Variants in LPGAT1 observed in about 807,000 individuals in gnomAD.
LPGAT1 encodes acyl-CoA:lysophosphatidylglycerol acyltransferase 1.
A neutral mutation model predicts 47.5 loss-of-function variants in LPGAT1; 11 were observed. The ratio of observed to expected loss-of-function variants is 0.23; its 90% CI spans 0.15 to 0.38. The LOEUF (loss-of-function observed/expected upper bound fraction) is 0.38, where lower values mean the gene tolerates loss of function less well. Ranked by LOEUF, LPGAT1 falls within the 10% of genes least tolerant of loss-of-function variation. The probability of loss-of-function intolerance (pLI) is 1.00; values close to 1 mark genes in which losing one functional copy is unlikely to be tolerated. For synonymous variants in LPGAT1, 138 were observed against 144.2 expected (o/e 0.96, Z 0.31); for missense variants, 293 against 439.0 (o/e 0.67, Z 2.97).
At chr1:211,762,920 A>G (rs974068380) in intron 6 of LPGAT1, among the ~76,000 whole-genome samples, 3 of 152,226 alleles carry the variant, frequency 2.0e-5, no homozygotes, top group African/African-American at 4.8e-5. Context: ...AATTATGTCA[A>G]GATTGTGTAA....
chr1:211,790,091 G>A (rs994974977), intron 3 of LPGAT1, among the ~76,000 whole-genome samples: 4 of 151,880 alleles, frequency 2.6e-5, no homozygotes, highest in Admixed American at 6.6e-5. Flanking sequence ...TCAAAACATC[G>A]TCTAGAGACT....
At chr1:211,828,703 G>A (rs1255886763) in intron 2 of LPGAT1, among the ~76,000 whole-genome samples, 2 of 152,052 alleles carry the variant, frequency 1.3e-5, no homozygotes, top group Non-Finnish European at 2.9e-5. Flanking sequence ...CAATGTTTAT[G>A]GGCATCTTCC....
intron 1 of LPGAT1, chr1:211,829,607 CGCACCGT>C: frequency 8.4e-7 from 1 of 1,193,426 alleles, no homozygotes; most frequent in African/African-American, 1.5e-5. Flanking sequence ...TGGCCGTCCC[CGCACCGT>C]GTCTCACTGC....
At chr1:211,772,290 G>C (rs1282192546) in intron 6 of LPGAT1, among the ~76,000 whole-genome samples, 2 of 152,136 alleles carry the variant, frequency 1.3e-5, no homozygotes. Context: ...CATTGATGTG[G>C]ACTTCCTCCT....
At chr1:211,790,862 A>G (rs1659081567) in intron 3 of LPGAT1, among the ~76,000 whole-genome samples, 1 of 152,202 alleles carries the variant, frequency 6.6e-6, no homozygotes. Flanking sequence ...CATTTTAATC[A>G]CGAGTTTCAA....
chr1:211,813,366 T>C (rs543324131), intron 2 of LPGAT1, among the ~76,000 whole-genome samples: 1 of 152,316 alleles, frequency 6.6e-6, no homozygotes, highest in South Asian at 2.1e-4. Context: ...TGCTTATAAA[T>C]ACGTATGTTT....
intron 6 of LPGAT1, among the ~76,000 whole-genome samples, chr1:211,755,658 T>TA (rs1281098227): frequency 1.3e-5 from 2 of 149,078 alleles, no homozygotes; most frequent in African/African-American, 5.0e-5. Flanking sequence ...GTAATCCCAG[T>TA]ACTTTGGGAG....
intron 2 of LPGAT1, 69 bp from the exon 3 acceptor site, chr1:211,793,259 G>A: frequency 2.0e-6 from 2 of 976,432 alleles, no homozygotes; most frequent in African/African-American, 1.6e-5. Flanking sequence ...CCTTATATTA[G>A]AAAAAATGAT....
At chr1:211,764,589 A>G (rs1447987484) in intron 6 of LPGAT1, among the ~76,000 whole-genome samples, 1 of 152,220 alleles carries the variant, frequency 6.6e-6, no homozygotes, top group Non-Finnish European at 1.5e-5. Context: ...ACTTTAAGCC[A>G]TTATCCTGAG....
chr1:211,803,874 C>T (rs1033191773), intron 2 of LPGAT1, among the ~76,000 whole-genome samples: 2 of 151,448 alleles, frequency 1.3e-5, no homozygotes, highest in Non-Finnish European at 2.9e-5. Flanking sequence ...AATTCTCCTA[C>T]CACAGTCTCA....
In LPGAT1 at chr1:211,813,603, AT is replaced by A. The variant is rs561530399; in HGVS notation, c.238+15455del. 1.1e-4 allele frequency among the ~76,000 whole-genome samples: 17 copies of A among 152,378 alleles called. No homozygotes were observed. The South Asian group carries it at 2.7e-3, about 24-fold the overall frequency. ...TGACAAAATTCAAAATAAAAAATTA[AT>A]AATAATTGAATACAATTTATATAAT... On this transcript the variant is annotated intron_variant, in intron 2 of 7. Transcript: ENST00000366997.
chr1:211,772,205 C>G (rs972324877), intron 6 of LPGAT1, among the ~76,000 whole-genome samples: 3 of 152,206 alleles, frequency 2.0e-5, no homozygotes, highest in Non-Finnish European at 4.4e-5. Context: ...TGTCGTTTCT[C>G]CATTGATACG....
chr1:211,759,457 C>CA (rs922220441), intron 6 of LPGAT1, among the ~76,000 whole-genome samples: 12 of 152,270 alleles, frequency 7.9e-5, no homozygotes, highest in African/African-American at 2.9e-4. Flanking sequence ...ATGTAGTTAA[C>CA]AGTGTTTTCA....
chr1:211,753,881 C>G (rs1657318244), intron 6 of LPGAT1, among the ~76,000 whole-genome samples: 1 of 152,160 alleles, frequency 6.6e-6, no homozygotes, highest in African/African-American at 2.4e-5. Flanking sequence ...GAGTCTGTTG[C>G]CTGTTACCCT....
chr1:211,745,579 C>T lies in LPGAT1; in HGVS notation c.*4320G>A, dbSNP rs924582265. The T allele has an allele frequency of 1.1e-4, 17 of 152,366 alleles. No individual in the cohort carries two copies. Among genetic ancestry groups the T allele is most frequent in the African/African-American group, 4.1e-4 (17 of 41,508 alleles). 9.4% of individuals were successfully genotyped at this position (152,366 alleles called of 1,614,324 possible). A position where few individuals can be genotyped will look rare whatever the true frequency, so the allele number is the denominator to read the frequency against. On this transcript the variant is annotated 3_prime_UTR_variant, in exon 8 of 8. Transcript: ENST00000366997. Reference sequence around the variant, plus strand: ...TTAAAAAAATATTAAATGTAAAAACCCTCAGATGGAAATTTTGCAGAAAAA... The same window carrying T: ...TTAAAAAAATATTAAATGTAAAAACTCTCAGATGGAAATTTTGCAGAAAAA...
intron 2 of LPGAT1, among the ~76,000 whole-genome samples, chr1:211,813,918 C>G (rs536424466): frequency 6.6e-6 from 1 of 152,146 alleles, no homozygotes; most frequent in African/African-American, 2.4e-5. Context: ...AGGTAATAGT[C>G]AAGAACATGA....
At chr1:211,770,776 A>T (rs1349299609) in intron 6 of LPGAT1, among the ~76,000 whole-genome samples, 4 of 152,196 alleles carry the variant, frequency 2.6e-5, no homozygotes, top group African/African-American at 9.6e-5. Context: ...TACTAGCTCC[A>T]TATATAGTAG....
intron 6 of LPGAT1, among the ~76,000 whole-genome samples, chr1:211,760,599 T>C (rs1657656811): frequency 6.6e-6 from 1 of 152,252 alleles, no homozygotes; most frequent in African/African-American, 2.4e-5. Flanking sequence ...TTTATAATAA[T>C]TTTGGTACAA....
At chr1:211,798,141 A>G (rs1384432001) in intron 2 of LPGAT1, among the ~76,000 whole-genome samples, 1 of 152,232 alleles carries the variant, frequency 6.6e-6, no homozygotes, top group East Asian at 1.9e-4. Flanking sequence ...ATTAACAGAG[A>G]GAAGAAAGGT....
Sources: gnomAD v4.1 joint callset for allele counts (sites outside exome capture counted in the v4.1 genomes callset) on GRCh38, gnomAD v4.1.1 for gene constraint, MANE v1.5 for transcripts, NCBI Gene and HGNC (gene_info 2026-07-23, HGNC 2026-07-21) for gene names.